The following GPC6 variants were observed in gnomAD, a reference collection of about 807,000 sequenced individuals.
GPC6 encodes glypican 6.
GPC6 carries 14 observed loss-of-function variants against 55.2 expected under a neutral mutation model. The ratio of observed to expected loss-of-function variants is 0.25; its 90% CI spans 0.17 to 0.40. GPC6 has a LOEUF of 0.40. Among genes scored for constraint, GPC6 ranks in the 10% least tolerant of loss-of-function variants. The pLI is 1.00. For missense variants in GPC6, 641 were observed against 708.5 expected, an observed-to-expected ratio of 0.90 and a Z score of 1.08; for synonymous variants, 278 against 259.6, an observed-to-expected ratio of 1.07 and a Z score of -0.68.
At chr13:93,466,818 G>T (rs1176419015) in intron 1 of GPC6, among the ~76,000 whole-genome samples, 1 of 152,138 alleles carries the variant, frequency 6.6e-6, no homozygotes, top group Non-Finnish European at 1.5e-5. Flanking sequence ...CTATGGATCT[G>T]ATAACAGTAA....
intron 3 of GPC6, among the ~76,000 whole-genome samples, chr13:93,992,054 A>G (rs1881334311): frequency 6.6e-6 from 1 of 151,678 alleles, no homozygotes; most frequent in African/African-American, 2.4e-5. Context: ...ATATTTACAC[A>G]TATACCCCTC....
intron 3 of GPC6, among the ~76,000 whole-genome samples, chr13:93,997,139 C>A (rs1881591053): frequency 6.6e-6 from 1 of 152,128 alleles, no homozygotes; most frequent in South Asian, 2.1e-4. Context: ...TTAAAAAGTT[C>A]TCTTTTTAAG....
At chr13:93,865,649 C>T (rs1888941679) in intron 3 of GPC6, among the ~76,000 whole-genome samples, 1 of 151,742 alleles carries the variant, frequency 6.6e-6, no homozygotes, top group African/African-American at 2.4e-5. Flanking sequence ...CATATATTTA[C>T]CTTCTCTCAT....
At position 93,406,703 on chromosome 13, in the gene GPC6, T is replaced by C. The variant is rs140976502; in HGVS notation, c.161-138560T>C. Among the ~76,000 whole-genome samples the C allele has an allele frequency of 2.6e-5, 4 of 152,246 alleles. No homozygotes were observed. In the East Asian group the frequency reaches 5.8e-4, roughly 22 times the overall value. ...ATCAGTCCAAGTGATCACATTTGGA[T>C]GAAAATGGGGTACTATTGTCTTGAT... On this transcript the variant is annotated intron_variant, in intron 1 of 8. Coordinates refer to ENST00000377047, the MANE Select transcript of GPC6 (RefSeq NM_005708.5).
chr13:93,609,513 C>T (rs1203541452), intron 2 of GPC6, among the ~76,000 whole-genome samples: 1 of 152,188 alleles, frequency 6.6e-6, no homozygotes, highest in Non-Finnish European at 1.5e-5. Context: ...GCTGGGATTA[C>T]AGGTGTGAGC....
At chr13:94,254,283 G>T (rs1537418) in intron 4 of GPC6, among the ~76,000 whole-genome samples, 88,224 of 151,902 alleles carry the variant, frequency 0.58, 26,214 homozygotes, top group African/African-American at 0.7. Context: ...TTCCAAGTAA[G>T]TAAGGACTTT....
intron 1 of GPC6, among the ~76,000 whole-genome samples, chr13:93,507,734 G>A (rs1348715609): frequency 6.6e-6 from 1 of 152,070 alleles, no homozygotes; most frequent in Admixed American, 6.6e-5. Context: ...CTGACATATA[G>A]AATGTTTTTC....
At position 93,927,234 on chromosome 13, in the gene GPC6, TAAACA is replaced by T. The variant is rs574704500; in HGVS notation, c.711+96697_711+96701del. On this transcript the variant is annotated intron_variant, in intron 3 of 8. Transcript: ENST00000377047. The stretch of plus-strand genomic sequence containing the variant: ...GAGAGAATTTCATTGAGTCTCATAA[TAAACA>T]AAACAAATAAAAAGCTAAGGCTAAT... Among the ~76,000 whole-genome samples the T allele has an allele frequency of 1.0e-3, 158 of 152,304 alleles. 1 individual carries two copies. Among genetic ancestry groups the T allele is most frequent in the African/African-American group, 3.5e-3 (147 of 41,566 alleles).
chr13:93,869,499 AGATCCAGT>A (rs1889064024), intron 3 of GPC6, among the ~76,000 whole-genome samples: 1 of 151,876 alleles, frequency 6.6e-6, no homozygotes, highest in Admixed American at 6.6e-5. Flanking sequence ...TGTAGAACAA[AGATCCAGT>A]GATTTCTTTC....
rs139177743 is a variant in GPC6, at chr13:94,329,972, G to A, written c.1152+23849G>A. On this transcript the variant is annotated intron_variant, in intron 6 of 8. Transcript: ENST00000377047. ...TCATCAAAGGAGCTGAAGGTACTGC[G>A]CATTGCTGAACTTGAATATGCCTTC... Among the ~76,000 whole-genome samples, 622 of 152,244 alleles carry A rather than the reference G, an allele frequency of 4.1e-3. 7 individuals carry two copies. Among genetic ancestry groups the A allele is most frequent in the African/African-American group, 0.014 (591 of 41,516 alleles).
Position 93,330,992 on chromosome 13 carries a change from TA to T in GPC6, c.160+103378del, listed in dbSNP as rs553502994. Among the ~76,000 whole-genome samples the T allele has an allele frequency of 3.3e-3, 508 of 152,318 alleles. 5 individuals are homozygous for T. The highest frequency in any genetic ancestry group is 0.012 in the African/African-American group (493 of 41,576). The stretch of plus-strand genomic sequence containing the variant: ...TAAAGGGGAAGTAATCATGTTTGCT[TA>T]ATGGACAGATGAATGTAGCACTGAT... On this transcript the variant is annotated intron_variant, in intron 1 of 8. Coordinates refer to ENST00000377047, the MANE Select transcript of GPC6 (RefSeq NM_005708.5).
chr13:93,932,433 A>T (rs1878224553), intron 3 of GPC6, among the ~76,000 whole-genome samples: 1 of 152,184 alleles, frequency 6.6e-6, no homozygotes, highest in Admixed American at 6.5e-5. Flanking sequence ...GGGTGTCACT[A>T]ACAATTGAAA....
In GPC6 at chr13:93,792,567, T is replaced by A. The variant is rs553936403; in HGVS notation, c.320-37587T>A. On this transcript the variant is annotated intron_variant, in intron 2 of 8. Coordinates refer to ENST00000377047, the MANE Select transcript of GPC6 (RefSeq NM_005708.5). Reference sequence around the variant, plus strand: ...CTCAAGTGATCCACACACCTCAGCCTCCCAAAGTGCTGGGATTACAGGCAT... The same window carrying A: ...CTCAAGTGATCCACACACCTCAGCCACCCAAAGTGCTGGGATTACAGGCAT... Among the ~76,000 whole-genome samples the A allele has an allele frequency of 4.1e-4, 63 of 152,268 alleles. 2 individuals are homozygous for A. In the South Asian group the frequency reaches 0.012, roughly 30 times the overall value.
At chr13:93,237,866 C>T (rs1040795327) in intron 1 of GPC6, among the ~76,000 whole-genome samples, 4 of 151,940 alleles carry the variant, frequency 2.6e-5, no homozygotes, top group Non-Finnish European at 4.4e-5. Flanking sequence ...GTCAAAGATT[C>T]GTTGGTTGTA....
At position 93,626,616 on chromosome 13, in the gene GPC6, A is replaced by C. The variant is rs565248282; in HGVS notation, c.319+81195A>C. 6.0e-4 allele frequency among the ~76,000 whole-genome samples: 91 copies of C among 152,226 alleles called. 1 individual carries two copies. The highest frequency in any genetic ancestry group is 2.1e-3 in the African/African-American group (88 of 41,534). On this transcript the variant is annotated intron_variant, in intron 2 of 8. Coordinates refer to ENST00000377047, the MANE Select transcript of GPC6 (RefSeq NM_005708.5). ...CAGGAGTTCGAGACCAGCCTGGCCA[A>C]TATGGTGAAACCCCGTCTCTACTAA...
At chr13:93,417,172 A>G (rs1349076071) in intron 1 of GPC6, among the ~76,000 whole-genome samples, 1 of 152,162 alleles carries the variant, frequency 6.6e-6, no homozygotes, top group African/African-American at 2.4e-5. Context: ...GAGAAAATGT[A>G]TATTTCACTT....
chr13:93,473,309 G>A (rs190517126), intron 1 of GPC6, among the ~76,000 whole-genome samples: 2 of 152,262 alleles, frequency 1.3e-5, no homozygotes, highest in East Asian at 3.9e-4. Context: ...CCACTCTTTG[G>A]TGCCCAAAGT....
chr13:93,761,394 A>G (rs1265976478), intron 2 of GPC6, among the ~76,000 whole-genome samples: 1 of 152,226 alleles, frequency 6.6e-6, no homozygotes, highest in Non-Finnish European at 1.5e-5. Context: ...TTCAGTTTGC[A>G]GGAAATTTAT....
intron 4 of GPC6, among the ~76,000 whole-genome samples, chr13:94,191,127 C>T (rs914078414): frequency 2.0e-5 from 3 of 152,080 alleles, no homozygotes; most frequent in East Asian, 3.9e-4. Context: ...TAAGCTGCAA[C>T]GATGAAGTAA....
Sources: gnomAD v4.1 joint callset for allele counts (sites outside exome capture counted in the v4.1 genomes callset) on GRCh38, gnomAD v4.1.1 for gene constraint, MANE v1.5 for transcripts, NCBI Gene and HGNC (gene_info 2026-07-23, HGNC 2026-07-21) for gene names.